The following EYA1 variants were observed in gnomAD, a reference collection of about 807,000 sequenced individuals.
The protein encoded by EYA1 is protein phosphatase EYA1.
In EYA1, 16 loss-of-function variants were observed where a neutral mutation model predicts 82.0. The observed-to-expected ratio is 0.20, with a 90% CI of 0.13 to 0.30. The LOEUF (loss-of-function observed/expected upper bound fraction) is 0.30, where lower values mean the gene tolerates loss of function less well. Among genes scored for constraint, EYA1 ranks in the 10% least tolerant of loss-of-function variants. EYA1 has a pLI of 1.00. For missense variants in EYA1, 633 were observed against 730.7 expected, an observed-to-expected ratio of 0.87 and a Z score of 1.54; for synonymous variants, 261 against 264.4, an observed-to-expected ratio of 0.99 and a Z score of 0.12.
At chr8:71,447,158 T>C (rs1806955569) in intron 2 of EYA1, among the ~76,000 whole-genome samples, 1 of 151,586 alleles carries the variant, frequency 6.6e-6, no homozygotes, top group Admixed American at 6.6e-5. Flanking sequence ...AGACAATAAC[T>C]CTCTTTATCT....
In EYA1 at chr8:71,299,143, T is replaced by C. The variant is rs1278065086; in HGVS notation, c.730A>G (p.Asn244Asp). ...GTGGATGGTGTCGTTGGGCTGGTGT[T>C]GCTGCTGGTCATATAATGTGCTGGA... is the stretch of plus-strand genomic sequence containing the variant. ...PYPAHYMTSSNTSPTTPSTNA... is the reference protein window; with the variant it reads ...PYPAHYMTSSDTSPTTPSTNA... The change falls in exon 9 of 18, where the codon AAC (asparagine) becomes GAC (aspartate). Residue 244 changes from asparagine (N) to aspartate (D), a missense_variant. Transcript: ENST00000340726. 6.2e-7 allele frequency: 1 copy of C among 1,614,172 alleles called. No homozygotes were observed. Among genetic ancestry groups the C allele is most frequent in the Non-Finnish European group, 8.5e-7 (1 of 1,180,010 alleles).
Position 71,361,744 on chromosome 8 carries a change from G to A in EYA1, c.-152C>T. The A allele has an allele frequency of 2.0e-6, 2 of 985,510 alleles. No homozygotes were observed. Among genetic ancestry groups the A allele is most frequent in the Non-Finnish European group, 2.4e-6 (2 of 829,998 alleles). 61.0% of individuals were successfully genotyped at this position (985,510 alleles called of 1,614,324 possible). ...CTGACATAGTTTTGCTCCTGGATGGGTACGCGCGGGGGCTCTCAGGCGCTC... is the reference window on the plus strand; with the variant it reads ...CTGACATAGTTTTGCTCCTGGATGGATACGCGCGGGGGCTCTCAGGCGCTC... On this transcript the variant is annotated 5_prime_UTR_variant, in exon 1 of 18. Coordinates refer to ENST00000340726, the MANE Select transcript of EYA1 (RefSeq NM_000503.6).
At chr8:71,523,204 A>G (rs1448292987) in intron 2 of EYA1, among the ~76,000 whole-genome samples, 1 of 107,630 alleles carries the variant, frequency 9.3e-6, no homozygotes, top group East Asian at 4.3e-4. Flanking sequence ...TTTGAGACGG[A>G]GTCTCGCTTT....
chr8:71,373,212 G>T, intron 2 of EYA1, among the ~76,000 whole-genome samples: 1 of 152,044 alleles, frequency 6.6e-6, no homozygotes, highest in Non-Finnish European at 1.5e-5. Context: ...CTGTTTGCTG[G>T]TGATATGATG....
chr8:71,240,022 A>G (rs1812284747), intron 12 of EYA1, among the ~76,000 whole-genome samples: 1 of 152,232 alleles, frequency 6.6e-6, no homozygotes, highest in Non-Finnish European at 1.5e-5. Flanking sequence ...AAAAATAAAC[A>G]TAAATAACAC....
chr8:71,445,235 T>C (rs1357729158), intron 2 of EYA1, among the ~76,000 whole-genome samples: 1 of 152,204 alleles, frequency 6.6e-6, no homozygotes, highest in Non-Finnish European at 1.5e-5. Flanking sequence ...CATTCCATAT[T>C]ACCTCTTTTA....
chr8:71,341,401 T>C (rs1345374271), intron 3 of EYA1, among the ~76,000 whole-genome samples: 1 of 152,204 alleles, frequency 6.6e-6, no homozygotes, highest in Admixed American at 6.5e-5. Flanking sequence ...AATAGAAATG[T>C]GTTTTTAGAA....
intron 17 of EYA1, chr8:71,204,319 C>T (rs1807458448): frequency 6.6e-6 from 1 of 152,108 alleles, no homozygotes; most frequent in Non-Finnish European, 1.5e-5. Context: ...ATAACAACAA[C>T]CATATAAAAA....
chr8:71,426,677 C>A (rs1805257143), intron 2 of EYA1, among the ~76,000 whole-genome samples: 1 of 152,186 alleles, frequency 6.6e-6, no homozygotes, highest in African/African-American at 2.4e-5. Flanking sequence ...AAATAGAGAT[C>A]TAGTTTACTC....
intron 2 of EYA1, 49 bp from the exon 3 acceptor site, chr8:71,354,958 C>T: frequency 6.3e-7 from 1 of 1,593,692 alleles, no homozygotes; most frequent in East Asian, 2.3e-5. Context: ...ATTCATAACA[C>T]CACCATTTAA....
intron 2 of EYA1, among the ~76,000 whole-genome samples, chr8:71,460,075 A>C (rs1364458534): frequency 6.6e-6 from 1 of 152,226 alleles, no homozygotes; most frequent in Non-Finnish European, 1.5e-5. Context: ...AAAGCATTTG[A>C]ACATTTTTTG....
rs1320967168 is a variant in EYA1 at position 71,299,677 on chromosome 8, A to T, written c.600T>A (p.Asn200Lys). Residue 200 changes from asparagine (N) to lysine (K), a missense_variant, in exon 8 of 18, where the codon AAT becomes AAA. Physicochemically the swap from Asn to Lys is moderately conservative, Grantham distance 94 (BLOSUM62 0). Transcript: ENST00000340726. Reference sequence around the variant, plus strand: ...TAAATCCAGAGGAATTTGTGAGTGAATTATTTCCTGTATATATTCCTGATG... The same window carrying T: ...TAAATCCAGAGGAATTTGTGAGTGATTTATTTCCTGTATATATTCCTGATG... ...TTSSGIYTGN[N>K]SLTNSSGFNS... is the part of the protein sequence containing the mutation. The T allele has an allele frequency of 6.3e-7, 1 of 1,595,758 alleles. No homozygotes were observed. The highest frequency in any genetic ancestry group is 8.6e-7 in the Non-Finnish European group (1 of 1,164,252).
chr8:71,269,476 A>G (rs1179829581), intron 11 of EYA1, among the ~76,000 whole-genome samples: 3 of 152,226 alleles, frequency 2.0e-5, no homozygotes, highest in Non-Finnish European at 4.4e-5. Flanking sequence ...CCTAGGATAA[A>G]ATTCAATCAC....
chr8:71,389,828 A>G lies in EYA1; in HGVS notation c.34-33317T>C, dbSNP rs992288760. ...TGTAATGCCAGTAGTTCAACTGGCA[A>G]CTTCAAAGATCTGTAGGTTAATACT... On this transcript the variant is annotated intron_variant, in intron 2 of 18. Transcript: ENST00000643681. Among the ~76,000 whole-genome samples the G allele has an allele frequency of 2.6e-5, 4 of 152,172 alleles. No individual in the cohort carries two copies. The East Asian group carries it at 5.8e-4, about 22-fold the overall frequency.
chr8:71,453,458 C>A (rs1035867116), intron 2 of EYA1, among the ~76,000 whole-genome samples: 1 of 152,114 alleles, frequency 6.6e-6, no homozygotes, highest in Admixed American at 6.5e-5. Context: ...AACTCCAATA[C>A]ACATAATTGT....
chr8:71,539,662 C>T (rs1814993127), intron 1 of EYA1, among the ~76,000 whole-genome samples: 1 of 152,130 alleles, frequency 6.6e-6, no homozygotes, highest in South Asian at 2.1e-4. Flanking sequence ...TCTTTGCTGA[C>T]CATGAATGAA....
At chr8:71,503,428 G>A (rs575412600) in intron 2 of EYA1, among the ~76,000 whole-genome samples, 33 of 151,820 alleles carry the variant, frequency 2.2e-4, no homozygotes, top group African/African-American at 6.3e-4. Context: ...AGCCGAGATC[G>A]TGCCACTGCA....
At chr8:71,542,315 A>G (rs1003989172) in intron 1 of EYA1, among the ~76,000 whole-genome samples, 19 of 152,094 alleles carry the variant, frequency 1.2e-4, no homozygotes, top group African/African-American at 4.6e-4. Flanking sequence ...GAGAACATGC[A>G]CTATTTGGTT....
At position 71,210,153 on chromosome 8, in the gene EYA1, A is replaced by T. The variant is rs541123442; in HGVS notation, c.1698+1003T>A. On this transcript the variant is annotated intron_variant, in intron 17 of 17. Transcript: ENST00000340726. ...CACAGGAAGGGTAAGTGGCAGGGTCATAATTCAAACTCATGCTGTCTGGCT... is the reference window on the plus strand; with the variant it reads ...CACAGGAAGGGTAAGTGGCAGGGTCTTAATTCAAACTCATGCTGTCTGGCT... 2.6e-5 allele frequency among the ~76,000 whole-genome samples: 4 copies of T among 152,356 alleles called. No homozygotes were observed. In the South Asian group the frequency reaches 8.3e-4, roughly 32 times the overall value.
Sources: gnomAD v4.1 joint callset for allele counts (sites outside exome capture counted in the v4.1 genomes callset) on GRCh38, gnomAD v4.1.1 for gene constraint, MANE v1.5 for transcripts, NCBI Gene and HGNC (gene_info 2026-07-23, HGNC 2026-07-21) for gene names.